Variants in NCALD observed in about 807,000 individuals in gnomAD.
The protein encoded by NCALD is neurocalcin delta, also known as neurocalcin-delta.
A neutral mutation model predicts 18.6 loss-of-function variants in NCALD; 10 were observed. The ratio of observed to expected loss-of-function variants is 0.54; its 90% confidence interval spans 0.33 to 0.91. NCALD has a LOEUF of 0.91. NCALD is among the 40% of genes least tolerant of loss of function. The pLI is 0.03. For synonymous variants in NCALD, 88 were observed against 87.4 expected (o/e 1.01, Z -0.04); for missense variants, 184 against 247.6 (o/e 0.74, Z 1.72).
intron 4 of NCALD, among the ~76,000 whole-genome samples, chr8:101,851,860 A>T (rs2131333715): frequency 6.6e-6 from 1 of 152,204 alleles, no homozygotes; most frequent in African/African-American, 2.4e-5. Context: ...TTAAACTCTA[A>T]TTTCCATTAT....
chr8:102,023,048 A>G (rs539682468), intron 1 of NCALD, among the ~76,000 whole-genome samples: 4 of 152,190 alleles, frequency 2.6e-5, no homozygotes, highest in Non-Finnish European at 4.4e-5. Context: ...TTGGTCCTAG[A>G]GCCAAGGTAT....
intron 2 of NCALD, among the ~76,000 whole-genome samples, chr8:101,713,775 T>C (rs753845278): frequency 9.2e-5 from 14 of 152,068 alleles, no homozygotes; most frequent in Non-Finnish European, 1.8e-4. Flanking sequence ...ATTTTGAAAT[T>C]GAGGCAATAA....
At chr8:101,752,247 C>T (rs1348750800) in intron 1 of NCALD, among the ~76,000 whole-genome samples, 3 of 152,118 alleles carry the variant, frequency 2.0e-5, no homozygotes, top group East Asian at 3.8e-4. Context: ...CTTACATCTG[C>T]TTCTTTATTT....
At chr8:102,117,759 T>A (rs1481639059) in intron 1 of NCALD, among the ~76,000 whole-genome samples, 1 of 152,206 alleles carries the variant, frequency 6.6e-6, no homozygotes, top group Non-Finnish European at 1.5e-5. Flanking sequence ...GCAAAGTACA[T>A]TATTTTTGTA....
At chr8:101,952,899 G>A (rs779948580) in intron 2 of NCALD, among the ~76,000 whole-genome samples, 1 of 152,114 alleles carries the variant, frequency 6.6e-6, no homozygotes, top group Non-Finnish European at 1.5e-5. Flanking sequence ...AGAGCTGGCT[G>A]TCAGAGGCAA....
At chr8:101,890,643 G>A (rs1368087594) in intron 3 of NCALD, among the ~76,000 whole-genome samples, 1 of 152,140 alleles carries the variant, frequency 6.6e-6, no homozygotes, top group Non-Finnish European at 1.5e-5. Context: ...ATCCACTCCT[G>A]AGAAGGCAAC....
intron 1 of NCALD, among the ~76,000 whole-genome samples, chr8:102,056,744 G>T (rs1473814293): frequency 6.6e-6 from 1 of 152,202 alleles, no homozygotes; most frequent in Non-Finnish European, 1.5e-5. Flanking sequence ...GAGAAAGAAG[G>T]CTAAGGCCGT....
intron 1 of NCALD, chr8:102,123,833 GCCCCCGGGGCGGGATGCTCCAGAGGTC>G: frequency 6.6e-6 from 1 of 151,916 alleles, no homozygotes; most frequent in Non-Finnish European, 1.5e-5. Context: ...CCCGGCCCCG[GCCCCCGGGGCGGGATGCTCCAGAGGTC>G]CCCGGGCCGC....
intron 1 of NCALD, among the ~76,000 whole-genome samples, chr8:101,720,554 A>G (rs1816304428): frequency 6.6e-6 from 1 of 152,210 alleles, no homozygotes; most frequent in South Asian, 2.1e-4. Flanking sequence ...TGTTTCCATA[A>G]CAAGAATGCA....
At chr8:101,937,923 G>A (rs1047121469) in intron 2 of NCALD, among the ~76,000 whole-genome samples, 2 of 152,180 alleles carry the variant, frequency 1.3e-5, no homozygotes, top group African/African-American at 4.8e-5. Flanking sequence ...ATAACTGAAA[G>A]CTATGGTCTC....
At chr8:102,040,163 T>A (rs564653572) in intron 1 of NCALD, among the ~76,000 whole-genome samples, 1 of 152,192 alleles carries the variant, frequency 6.6e-6, no homozygotes, top group Non-Finnish European at 1.5e-5. Context: ...ATTGGATACA[T>A]GTTTATTGCT....
At chr8:101,965,704 G>A (rs760991523) in intron 2 of NCALD, among the ~76,000 whole-genome samples, 9 of 151,618 alleles carry the variant, frequency 5.9e-5, no homozygotes, top group African/African-American at 1.2e-4. Context: ...CATGGCATGC[G>A]TATACCTATG....
intron 1 of NCALD, among the ~76,000 whole-genome samples, chr8:101,741,568 T>C (rs1810183862): frequency 6.6e-6 from 1 of 151,642 alleles, no homozygotes; most frequent in African/African-American, 2.4e-5. Flanking sequence ...GTTTCAAACA[T>C]GCTTACTCCT....
chr8:101,833,402 C>G (rs1316510687), intron 4 of NCALD, among the ~76,000 whole-genome samples: 1 of 152,074 alleles, frequency 6.6e-6, no homozygotes, highest in Non-Finnish European at 1.5e-5. Flanking sequence ...GGTTAAGTAA[C>G]AAATGTTGCA....
At chr8:102,122,288 G>A (rs898509999) in intron 1 of NCALD, among the ~76,000 whole-genome samples, 2 of 152,210 alleles carry the variant, frequency 1.3e-5, no homozygotes, top group Admixed American at 6.5e-5. Flanking sequence ...TGAGGTTAAT[G>A]AAGAGAGAAG....
chr8:101,990,080 A>G (rs1820983065), intron 2 of NCALD, among the ~76,000 whole-genome samples: 1 of 152,202 alleles, frequency 6.6e-6, no homozygotes, highest in African/African-American at 2.4e-5. Flanking sequence ...TTTTTATTTA[A>G]GAAACTTGCT....
intron 1 of NCALD, among the ~76,000 whole-genome samples, chr8:102,104,642 T>C (rs1165318590): frequency 6.6e-6 from 1 of 152,166 alleles, no homozygotes; most frequent in Non-Finnish European, 1.5e-5. Context: ...TCCAGTTATT[T>C]GTAATAGACC....
intron 4 of NCALD, among the ~76,000 whole-genome samples, chr8:101,813,155 T>C (rs1813369387): frequency 6.6e-6 from 1 of 152,078 alleles, no homozygotes; most frequent in Admixed American, 6.6e-5. Flanking sequence ...TAATGAGTGA[T>C]ACAGAAAGAT....
intron 1 of NCALD, among the ~76,000 whole-genome samples, chr8:101,761,852 A>C (rs1811121910): frequency 6.6e-6 from 1 of 152,202 alleles, no homozygotes; most frequent in African/African-American, 2.4e-5. Context: ...TCTGGGTCAT[A>C]CCTTAAAAAG....
Sources: gnomAD v4.1 joint callset for allele counts (sites outside exome capture counted in the v4.1 genomes callset) on GRCh38, gnomAD v4.1.1 for gene constraint, MANE v1.5 for transcripts, NCBI Gene and HGNC (gene_info 2026-07-23, HGNC 2026-07-21) for gene names.